MYO15B: variants seen among roughly 807,000 people sequenced by gnomAD.
MYO15B encodes the protein myosin XVB, also known as myosin XVB pseudogene.
In MYO15B, 207 loss-of-function variants were observed where a neutral mutation model predicts 119.3. That is an observed-to-expected ratio of 1.73 (90% CI 1.55 to 1.95). The LOEUF (loss-of-function observed/expected upper bound fraction) is 1.95. Among genes scored for constraint, MYO15B ranks in the 30% most tolerant of loss-of-function variants. MYO15B has a pLI of 0.00. For missense variants in MYO15B, 2,264 were observed against 1,203.1 expected, an observed-to-expected ratio of 1.88 and a Z score of -13.04; for synonymous variants, 966 against 498.9, an observed-to-expected ratio of 1.94 and a Z score of -12.48.
chr17:75,619,417 A>G, exon 45 of MYO15B: 1 of 702,602 alleles, frequency 1.4e-6, no homozygotes. Flanking sequence ...CAAGAAGCGC[A>G]TCGTGGTGGC....
Position 75,623,984 on chromosome 17 carries a change from T to G in MYO15B, c.8192T>G (p.Leu2731Arg), listed in dbSNP as rs754096107. ...ACTCGAGGCTGGAGCTTCCTCAGCC[T>G]TCTCACAGGCTTCTTCCCCCCGTCG... The change falls in exon 55 of 64, where the codon CTT becomes CGT. Residue 2731 changes from leucine to arginine, a missense_variant. Physicochemically the swap from Leu to Arg is moderately radical, Grantham distance 102. Transcript: ENST00000645453. The G allele has an allele frequency of 1.6e-5, 11 of 702,922 alleles. No individual in the cohort carries two copies. In the East Asian group the frequency reaches 2.9e-4, roughly 19 times the overall value. The allele number at this position is 702,922 out of a possible 1,614,324, so 43.5% of individuals were successfully genotyped here. A position where few individuals can be genotyped will look rare whatever the true frequency, so the allele number is the denominator to read the frequency against.
In MYO15B at chr17:75,591,037, G is replaced by C. The variant is rs1003136769; in HGVS notation, c.2360+21G>C. 1.4e-5 allele frequency: 9 copies of C among 651,108 alleles called. No homozygotes were observed. In the African/African-American group the frequency reaches 1.6e-4, roughly 12 times the overall value. The allele number at this position is 651,108 out of a possible 1,614,324, so 40.3% of individuals were successfully genotyped here. On this transcript the variant is annotated intron_variant, in intron 3 of 63. Coordinates refer to ENST00000645453, the Ensembl canonical transcript of MYO15B. ...ACTCCGTATGTGACTCTGCCCCACT[G>C]ACCCTCTGCTCACCTCCCAGGCAGC... is the stretch of plus-strand genomic sequence containing the variant.
intron 21 of MYO15B, among the ~76,000 whole-genome samples, chr17:75,606,771 C>A (rs1282410567): frequency 6.6e-6 from 1 of 152,176 alleles, no homozygotes; most frequent in Non-Finnish European, 1.5e-5. Flanking sequence ...CCGTGCCCAG[C>A]TACAGTCATC....
intron 52 of MYO15B, 91 bp from the exon 53 acceptor site, chr17:75,621,913 G>A: frequency 3.0e-6 from 2 of 657,898 alleles, no homozygotes; most frequent in South Asian, 3.2e-5. Flanking sequence ...GCATCAGATG[G>A]CAGGTGAAGG....
intron 12 of MYO15B, among the ~76,000 whole-genome samples, chr17:75,595,281 C>T (rs1052577494): frequency 3.3e-5 from 5 of 152,206 alleles, no homozygotes; most frequent in African/African-American, 7.2e-5. Context: ...CCCACACCCA[C>T]GTTCATCCAA....
At position 75,609,699 on chromosome 17, in the gene MYO15B, C is replaced by T. The variant is rs945959250; in HGVS notation, c.4293-467C>T. 3.2e-4 allele frequency among the ~76,000 whole-genome samples: 40 copies of T among 123,942 alleles called. No individual in the cohort carries two copies. In the South Asian group the frequency reaches 3.5e-3, roughly 11 times the overall value. The allele number at this position is 123,942 out of a possible 152,430, so 81.3% of individuals were successfully genotyped here. A position where few individuals can be genotyped will look rare whatever the true frequency, so the allele number is the denominator to read the frequency against. ...CCTTCCTTCCCTTCCTTCCTTCCTC[C>T]CTCCCTCCCTCCCTCCCTCCCTTCC... On this transcript the variant is annotated intron_variant, in intron 21 of 63. Transcript: ENST00000645453.
Position 75,621,396 on chromosome 17 carries a change from GCAGT to G in MYO15B, c.7924_7927del (p.Gln2642ThrfsTer17), listed in dbSNP as rs902063726. 2.7e-5 allele frequency: 19 copies of G among 701,144 alleles called. No individual in the cohort carries two copies. In the Admixed American group the frequency reaches 3.6e-4, roughly 13 times the overall value. The allele number at this position is 701,144 out of a possible 1,614,324, so 43.4% of individuals were successfully genotyped here. ...CAGGAAAGGACACGGACAGCCTGGT[GCAGT>G]ACACCAAGGTGGGAGAGAGGCAGGG... On this transcript the variant is annotated frameshift_variant, in exon 51 of 64. Coordinates refer to ENST00000645453, the Ensembl canonical transcript of MYO15B. LOFTEE classifies it high-confidence loss of function.
chr17:75,601,738 C>T lies in MYO15B; in HGVS notation c.3651+175C>T, dbSNP rs568050113. Among the ~76,000 whole-genome samples the T allele has an allele frequency of 9.8e-5, 15 of 152,356 alleles. No homozygotes were observed. The South Asian group carries it at 1.4e-3, about 15-fold the overall frequency. On this transcript the variant is annotated intron_variant, in intron 15 of 63. Transcript: ENST00000645453. ...AGTTCTGAGCACGGTTTACTGAGTT[C>T]TAGGTGACAATTATGGGGTCAGGGA...
chr17:75,620,120 G>A (rs1274169161), intron 47 of MYO15B, 100 bp downstream of exon 47: 1 of 649,734 alleles, frequency 1.5e-6, no homozygotes, highest in Non-Finnish European at 2.8e-6. Context: ...TGGGAGTTTG[G>A]GCCAAATCCC....
intron 22 of MYO15B, 47 bp downstream of exon 22, chr17:75,610,306 TGAGCTGGCC>T (rs758415327): frequency 1.5e-6 from 1 of 652,316 alleles, no homozygotes; most frequent in East Asian, 2.8e-5. Context: ...CCAGGCTGCC[TGAGCTGGCC>T]GAGCTGGCCA....
chr17:75,605,976 G>A (rs757064903), exon 21 of MYO15B: 19 of 702,462 alleles, frequency 2.7e-5, no homozygotes, highest in African/African-American at 2.1e-4. Flanking sequence ...TCCCGCCAGC[G>A]CGTCCTGCCC....
chr17:75,599,889 G>A (rs1016387058), intron 14 of MYO15B, among the ~76,000 whole-genome samples: 5 of 89,202 alleles, frequency 5.6e-5, no homozygotes, highest in African/African-American at 2.1e-4. Context: ...AGCAAGACTC[G>A]TCTCAAAATA....
chr17:75,612,867 C>G (rs1166411684), exon 26 of MYO15B: 1 of 702,760 alleles, frequency 1.4e-6, no homozygotes, highest in Non-Finnish European at 2.6e-6. Flanking sequence ...AGACAACCCT[C>G]AGCGTGCCCT....
intron 13 of MYO15B, 92 bp from the exon 14 acceptor site, chr17:75,596,675 GT>G: frequency 3.0e-6 from 2 of 672,334 alleles, no homozygotes; most frequent in South Asian, 3.2e-5. Context: ...TTTCCATGAG[GT>G]GTCTCAGTCT....
chr17:75,617,050 G>T (rs1328308554), intron 40 of MYO15B, 35 bp from the exon 41 acceptor site: 1 of 690,730 alleles, frequency 1.4e-6, no homozygotes, highest in African/African-American at 1.8e-5. Flanking sequence ...CTTGTGCTGT[G>T]ACTCAGCCCG....
chr17:75,590,277 G>A (rs820242), intron 1 of MYO15B, 34 bp downstream of exon 1: 270,561 of 398,932 alleles, frequency 0.68, 99,481 homozygotes, highest in East Asian at 0.87. Context: ...TGCCATCCCC[G>A]GCTCACAGCT....
At position 75,588,164 on chromosome 17, in the gene MYO15B, G is replaced by A. The variant is rs138310978; in HGVS notation, c.107G>A (p.Arg36Gln). The A allele has an allele frequency of 7.3e-3, 2,918 of 398,076 alleles. 21 individuals carry two copies. Among genetic ancestry groups the A allele is most frequent in the Non-Finnish European group, 8.5e-3 (1,916 of 225,628 alleles). 24.7% of individuals were successfully genotyped at this position (398,076 alleles called of 1,614,324 possible). A position where few individuals can be genotyped will look rare whatever the true frequency, so the allele number is the denominator to read the frequency against. The change falls in exon 1 of 64, where the codon CGG becomes CAG. Residue 36 changes from arginine to glutamine, a missense_variant. Arg to Gln is a conservative substitution (Grantham distance 43). Transcript: ENST00000645453. ...GCCAGCGCGGATGGCGCGCCCAGCCGGGAACGCCGTTCCGACCGCGGGCAG... is the reference window on the plus strand; with the variant it reads ...GCCAGCGCGGATGGCGCGCCCAGCCAGGAACGCCGTTCCGACCGCGGGCAG...
chr17:75,622,181 A>T (rs1324598646), intron 53 of MYO15B, 101 bp downstream of exon 53: 2 of 674,848 alleles, frequency 3.0e-6, no homozygotes, highest in Non-Finnish European at 5.4e-6. Context: ...AATCATTCCA[A>T]AGTATTTACT....
intron 53 of MYO15B, 59 bp downstream of exon 53, chr17:75,622,139 G>A (rs918358517): frequency 2.9e-6 from 2 of 695,282 alleles, no homozygotes; most frequent in Non-Finnish European, 5.3e-6. Context: ...TGGGCCTGAA[G>A]GAGATCCCCT....
Sources: allele counts gnomAD v4.1 joint callset (sites outside exome capture counted in the v4.1 genomes callset), GRCh38; gene constraint gnomAD v4.1.1; transcripts MANE v1.5; gene names NCBI Gene and HGNC (gene_info 2026-07-23, HGNC 2026-07-21).